Variants in DLD observed in about 807,000 individuals in gnomAD.
DLD encodes the protein dihydrolipoamide dehydrogenase.
Under a neutral mutation model 62.2 loss-of-function variants are expected in DLD, and 36 were observed. That is an observed-to-expected ratio of 0.58 (90% CI 0.44 to 0.76). The LOEUF (loss-of-function observed/expected upper bound fraction) is 0.76, where lower values mean the gene tolerates loss of function less well. Ranked by LOEUF, DLD falls within the 30% of genes least tolerant of loss-of-function variation. The pLI is 0.00. For missense variants in DLD, 541 were observed against 608.6 expected (o/e 0.89, Z 1.17); for synonymous variants, 204 against 199.6 (o/e 1.02, Z -0.19).
intron 8 of DLD, among the ~76,000 whole-genome samples, chr7:107,909,390 C>T (rs190431756): frequency 3.3e-5 from 5 of 152,312 alleles, no homozygotes; most frequent in East Asian, 3.9e-4. Flanking sequence ...TTGTCATTCA[C>T]GTCATTAGTA....
chr7:107,904,812 C>T (rs1170479417), intron 5 of DLD, 146 bp from the exon 6 acceptor site: 1 of 693,188 alleles, frequency 1.4e-6, no homozygotes, highest in East Asian at 2.8e-5. Context: ...CTTTTGTCAA[C>T]TATAATTATA....
intron 12 of DLD, 61 bp downstream of exon 12, chr7:107,918,122 A>T: frequency 6.3e-7 from 1 of 1,596,702 alleles, no homozygotes; most frequent in Non-Finnish European, 8.6e-7. Flanking sequence ...GCTGTTTATT[A>T]ATTATAAACC....
chr7:107,897,571 T>G (rs1255167357), intron 2 of DLD, among the ~76,000 whole-genome samples: 2 of 144,972 alleles, frequency 1.4e-5, no homozygotes, highest in Non-Finnish European at 3.0e-5. Flanking sequence ...TATTGTAGAC[T>G]GACTTTTTTT....
At chr7:107,901,043 A>C (rs1423224464) in intron 2 of DLD, among the ~76,000 whole-genome samples, 1 of 152,152 alleles carries the variant, frequency 6.6e-6, no homozygotes, top group Non-Finnish European at 1.5e-5. Context: ...AAAAATGGCC[A>C]CAATAGTTAA....
chr7:107,902,115 A>T lies in DLD; in HGVS notation c.199-210A>T, dbSNP rs111916412. On this transcript the variant is annotated intron_variant, in intron 3 of 13. Transcript: ENST00000205402. Reference sequence around the variant, plus strand: ...ATATTTGGTAATGTTAAGCACACAAAAATATCTTTTAGAATAATTCACTTT... The same window carrying T: ...ATATTTGGTAATGTTAAGCACACAATAATATCTTTTAGAATAATTCACTTT... Among the ~76,000 whole-genome samples, 1,128 of 151,846 alleles carry T rather than the reference A, an allele frequency of 7.4e-3. 15 individuals are homozygous for T. The highest frequency in any genetic ancestry group is 0.026 in the African/African-American group (1,065 of 41,092).
At chr7:107,894,266 T>C (rs532234135) in intron 2 of DLD, among the ~76,000 whole-genome samples, 2 of 152,370 alleles carry the variant, frequency 1.3e-5, no homozygotes. Flanking sequence ...ATAAGTAACA[T>C]TGGATGTCTT....
In DLD at chr7:107,916,820, C is replaced by T. The variant is rs1284728113; in HGVS notation, c.902C>T (p.Ala301Val). Residue 301 changes from alanine to valine, a missense_variant, in exon 10 of 14, where the codon GCT (alanine) becomes GTT (valine). Ala to Val is a moderately conservative substitution (Grantham distance 64, BLOSUM62 0). Transcript: ENST00000205402. ...ATTGAAGCTGCTTCTGGTGGTAAAG[C>T]TGAAGTTATCACTTGTGATGTACTC... ...VSIEAASGGK[A>V]EVITCDVLLV... is the part of the protein sequence containing the mutation. The T allele has an allele frequency of 1.2e-6, 2 of 1,613,144 alleles. No individual in the cohort carries two copies. The highest frequency in any genetic ancestry group is 1.7e-6 in the Non-Finnish European group (2 of 1,179,878).
chr7:107,919,424 T>C lies in DLD; in HGVS notation c.*165T>C. On this transcript the variant is annotated 3_prime_UTR_variant, in exon 14 of 14. Transcript: ENST00000205402. The stretch of plus-strand genomic sequence containing the variant: ...GGACAAAATGGAATACTCTTATATC[T>C]ATATTTTACATAAATTTAGTATTTT... 1.7e-6 allele frequency: 1 copy of C among 572,284 alleles called. No individual in the cohort carries two copies. Among genetic ancestry groups the C allele is most frequent in the Non-Finnish European group, 3.0e-6 (1 of 330,846 alleles). The allele number at this position is 572,284 out of a possible 1,614,324, so 35.5% of individuals were successfully genotyped here. A position where few individuals can be genotyped will look rare whatever the true frequency, so the allele number is the denominator to read the frequency against.
rs1420090684 is a variant in DLD at position 107,905,435 on chromosome 7, T to A, written c.513T>A (p.Thr171=). The A allele has an allele frequency of 6.2e-7, 1 of 1,613,814 alleles. No individual in the cohort carries two copies. Residue 171 remains threonine (T), a synonymous_variant, in exon 7 of 14, where the codon ACT becomes ACA. Transcript: ENST00000205402. ...QVTATKADGG[T]QVIDTKNILI... ...CTGCTACGAAAGCTGATGGCGGCACTCAGGTTATTGATACAAAGAACATTC... is the reference window on the plus strand; with the variant it reads ...CTGCTACGAAAGCTGATGGCGGCACACAGGTTATTGATACAAAGAACATTC...
At chr7:107,909,250 A>G (rs1289311651) in intron 8 of DLD, among the ~76,000 whole-genome samples, 1 of 152,156 alleles carries the variant, frequency 6.6e-6, no homozygotes, top group Non-Finnish European at 1.5e-5. Context: ...TCCAATCTAT[A>G]TCTTAGTCTT....
chr7:107,903,283 A>G (rs546461954), intron 4 of DLD, among the ~76,000 whole-genome samples, 195 bp from the exon 5 acceptor site: 9 of 152,274 alleles, frequency 5.9e-5, no homozygotes, highest in African/African-American at 2.2e-4. Flanking sequence ...CTGTAATCCC[A>G]GGGACAATTG....
chr7:107,918,181 G>T (rs1471388329), intron 12 of DLD, 120 bp downstream of exon 12: 1 of 1,051,068 alleles, frequency 9.5e-7, no homozygotes, highest in East Asian at 2.5e-5. Context: ...CTTTGAATAT[G>T]GCTCTCTGTG....
intron 2 of DLD, among the ~76,000 whole-genome samples, chr7:107,894,548 T>C (rs1332733661): frequency 6.6e-6 from 1 of 152,204 alleles, no homozygotes; most frequent in Non-Finnish European, 1.5e-5. Flanking sequence ...CTTATACACT[T>C]TGTCTCTTGT....
chr7:107,917,462 G>C lies in DLD; in HGVS notation c.1236G>C (p.Glu412Asp). Residue 412 changes from glutamate (E) to aspartate (D), a missense_variant and splice_region_variant, in exon 11 of 14, where the codon GAG (glutamate) becomes GAC (aspartate). Glu to Asp is a conservative substitution (Grantham distance 45). Coordinates refer to ENST00000205402, the MANE Select transcript of DLD (RefSeq NM_000108.5). ...AATCAGAAGAGCAGTTGAAAGAAGA[G>C]GTAAGTCTGAACATGGGTGGTTTTA... is the stretch of plus-strand genomic sequence containing the variant. ...VGKSEEQLKE[E>D]GIEYKVGKFP... 5.0e-6 allele frequency: 8 copies of C among 1,614,106 alleles called. No individual in the cohort carries two copies. The highest frequency in any genetic ancestry group is 6.8e-6 in the Non-Finnish European group (8 of 1,179,984).
chr7:107,906,547 C>G (rs1267380187), intron 8 of DLD, among the ~76,000 whole-genome samples, 179 bp downstream of exon 8: 1 of 152,128 alleles, frequency 6.6e-6, no homozygotes, highest in Non-Finnish European at 1.5e-5. Flanking sequence ...TGTATTTACT[C>G]ATTTAGAATG....
At chr7:107,902,486 TAAA>T (rs2031901703) in intron 4 of DLD, 93 bp downstream of exon 4, 1 of 1,062,362 alleles carries the variant, frequency 9.4e-7, no homozygotes, top group Non-Finnish European at 1.5e-6. Flanking sequence ...ATACACTTGT[TAAA>T]AAACAATCCA....
At chr7:107,893,107 C>T (rs1241466297) in intron 1 of DLD, 93 bp from the exon 2 acceptor site, 16 of 951,562 alleles carry the variant, frequency 1.7e-5, no homozygotes, top group South Asian at 4.3e-5. Context: ...TCGCTTGATA[C>T]GTTTGCCCAA....
intron 1 of DLD, among the ~76,000 whole-genome samples, chr7:107,892,689 G>A (rs2031616868): frequency 6.6e-6 from 1 of 152,078 alleles, no homozygotes; most frequent in Admixed American, 6.6e-5. Flanking sequence ...GGGATTACAG[G>A]CACCCACCAC....
intron 10 of DLD, 113 bp from the exon 11 acceptor site, chr7:107,917,160 T>G (rs1196605435): frequency 1.2e-5 from 15 of 1,283,706 alleles, no homozygotes. Flanking sequence ...GAGCTGCATT[T>G]GATGTATTTT....
Sources: allele counts gnomAD v4.1 joint callset (sites outside exome capture counted in the v4.1 genomes callset), GRCh38; gene constraint gnomAD v4.1.1; transcripts MANE v1.5; gene names NCBI Gene and HGNC (gene_info 2026-07-23, HGNC 2026-07-21).